The following DZIP3 variants were observed in gnomAD, a reference collection of about 807,000 sequenced individuals.
DZIP3 encodes E3 ubiquitin-protein ligase DZIP3.
DZIP3 carries 118 observed loss-of-function variants against 162.0 expected under a neutral mutation model. The ratio of observed to expected loss-of-function variants is 0.73; its 90% CI spans 0.63 to 0.85. DZIP3 has a LOEUF of 0.85. DZIP3 is among the 40% of genes least tolerant of loss of function. DZIP3 has a pLI of 0.00. For synonymous variants in DZIP3, 438 were observed against 458.6 expected (o/e 0.96, Z 0.57); for missense variants, 1,331 against 1,407.0 (o/e 0.95, Z 0.86).
chr3:108,622,195 A>T (rs1177047232), intron 5 of DZIP3, among the ~76,000 whole-genome samples: 1 of 152,194 alleles, frequency 6.6e-6, no homozygotes, highest in Non-Finnish European at 1.5e-5. Context: ...GAACTCAAAA[A>T]AATAGCTAGT....
chr3:108,669,448 T>G (rs1406146136), intron 21 of DZIP3, among the ~76,000 whole-genome samples: 1 of 151,916 alleles, frequency 6.6e-6, no homozygotes, highest in Non-Finnish European at 1.5e-5. Context: ...GCTTTCTAAT[T>G]TACTGAATTA....
chr3:108,689,147 A>G (rs1378180053), intron 31 of DZIP3, among the ~76,000 whole-genome samples: 1 of 152,182 alleles, frequency 6.6e-6, no homozygotes, highest in Non-Finnish European at 1.5e-5. Flanking sequence ...GAAGGGGACA[A>G]TGTTGAGAGT....
At chr3:108,678,094 G>C (rs1276071499) in intron 26 of DZIP3, among the ~76,000 whole-genome samples, 3 of 151,996 alleles carry the variant, frequency 2.0e-5, no homozygotes, top group East Asian at 3.9e-4. Flanking sequence ...TCTCACAGGA[G>C]TGTGAACCAT....
intron 3 of DZIP3, among the ~76,000 whole-genome samples, chr3:108,610,388 A>G (rs1940636365): frequency 6.6e-6 from 1 of 152,200 alleles, no homozygotes; most frequent in African/African-American, 2.4e-5. Context: ...GCAAAACACC[A>G]TAGTTGAGAT....
intron 5 of DZIP3, among the ~76,000 whole-genome samples, chr3:108,619,020 C>T (rs1941177276): frequency 1.5e-5 from 2 of 131,372 alleles, no homozygotes; most frequent in Admixed American, 8.9e-5. Context: ...AAGATTATGC[C>T]ACTGCACTCC....
chr3:108,616,557 ACAGC>A lies in DZIP3; in HGVS notation c.279_282del (p.Ser93ArgfsTer10). ...TTTCCACAGAGAGAAGTTGCAGCTA[ACAGC>A]CAGAATGGTGAGGAAATTGTTCCTG... On this transcript the variant is annotated frameshift_variant, in exon 5 of 33. Transcript: ENST00000361582. LOFTEE classifies it high-confidence loss of function. 1 of 1,608,840 alleles carries A rather than the reference ACAGC, an allele frequency of 6.2e-7. No homozygotes were observed. Among genetic ancestry groups the A allele is most frequent in the Admixed American group, 1.7e-5 (1 of 59,030 alleles).
chr3:108,676,393 G>C (rs1456459518), intron 25 of DZIP3, among the ~76,000 whole-genome samples: 1 of 152,020 alleles, frequency 6.6e-6, no homozygotes, highest in East Asian at 1.9e-4. Context: ...AGAAAATCAA[G>C]TAGGCCTGTA....
chr3:108,614,412 A>T (rs776293519), intron 4 of DZIP3, among the ~76,000 whole-genome samples: 3 of 152,136 alleles, frequency 2.0e-5, no homozygotes, highest in Non-Finnish European at 4.4e-5. Flanking sequence ...TTTTCTAGTA[A>T]TTCTTATTTT....
At chr3:108,615,102 G>C (rs575861855) in intron 4 of DZIP3, among the ~76,000 whole-genome samples, 1 of 152,304 alleles carries the variant, frequency 6.6e-6, no homozygotes, top group Admixed American at 6.5e-5. Flanking sequence ...TGAAGGCTGT[G>C]CCACAACTGA....
In DZIP3 at chr3:108,648,998, G is replaced by T. The variant is rs1942751456; in HGVS notation, c.2007+36G>T. On this transcript the variant is annotated intron_variant, in intron 17 of 32. Transcript: ENST00000361582. ...ATAATAGCATTATAATACTGATTAT[G>T]AACACTTGAGTTAAATACATGAATT... The T allele has an allele frequency of 3.8e-6, 4 of 1,061,812 alleles. No homozygotes were observed. The South Asian group carries it at 6.4e-5, about 17-fold the overall frequency. 65.8% of individuals were successfully genotyped at this position (1,061,812 alleles called of 1,614,324 possible).
chr3:108,629,190 T>G lies in DZIP3; in HGVS notation c.696+14T>G, dbSNP rs1559739816. 6.8e-7 allele frequency: 1 copy of G among 1,478,192 alleles called. No individual in the cohort carries two copies. The highest frequency in any genetic ancestry group is 9.2e-7 in the Non-Finnish European group (1 of 1,083,860). The allele number at this position is 1,478,192 out of a possible 1,614,324, so 91.6% of individuals were successfully genotyped here. On this transcript the variant is annotated intron_variant, in intron 8 of 32. Coordinates refer to ENST00000361582, the MANE Select transcript of DZIP3 (RefSeq NM_014648.4). Reference sequence around the variant, plus strand: ...ACAACTTTTAAAGTAAGAAATTATTTAAGAGTAACATTTTATTTGTAACTA... The same window carrying G: ...ACAACTTTTAAAGTAAGAAATTATTGAAGAGTAACATTTTATTTGTAACTA...
intron 5 of DZIP3, among the ~76,000 whole-genome samples, chr3:108,618,120 T>C (rs934099677): frequency 3.3e-5 from 5 of 152,188 alleles, no homozygotes; most frequent in African/African-American, 1.2e-4. Flanking sequence ...AGCATCTCTA[T>C]ATTAATTTTA....
At chr3:108,646,471 T>C in intron 14 of DZIP3, 146 bp from the exon 15 acceptor site, 1 of 654,846 alleles carries the variant, frequency 1.5e-6, no homozygotes, top group Non-Finnish European at 2.7e-6. Flanking sequence ...TTGTCTAAAC[T>C]GGATTGATGA....
At chr3:108,686,711 TTGAC>T in intron 28 of DZIP3, 127 bp downstream of exon 28, 2 of 1,139,310 alleles carry the variant, frequency 1.8e-6, no homozygotes, top group Non-Finnish European at 2.3e-6. Flanking sequence ...TTTCCTTACC[TTGAC>T]CTTGGTAAGG....
intron 26 of DZIP3, among the ~76,000 whole-genome samples, chr3:108,680,547 A>C (rs942477158): frequency 1.3e-5 from 2 of 152,154 alleles, no homozygotes; most frequent in African/African-American, 4.8e-5. Flanking sequence ...ATAGCTACAA[A>C]AAACAAAGAT....
intron 3 of DZIP3, 75 bp downstream of exon 3, chr3:108,608,233 C>A (rs1940493057): frequency 8.3e-7 from 1 of 1,210,076 alleles, no homozygotes; most frequent in Non-Finnish European, 1.2e-6. Flanking sequence ...AGTAATACAT[C>A]TAGTCAGTTT....
At chr3:108,666,237 T>TA (rs796366447) in intron 21 of DZIP3, among the ~76,000 whole-genome samples, 5 of 151,796 alleles carry the variant, frequency 3.3e-5, no homozygotes, top group East Asian at 3.9e-4. Context: ...AGATGTTTAT[T>TA]AAAAAAAAGT....
intron 19 of DZIP3, among the ~76,000 whole-genome samples, chr3:108,659,095 C>T (rs1270399144): frequency 6.6e-6 from 1 of 152,164 alleles, no homozygotes; most frequent in Non-Finnish European, 1.5e-5. Flanking sequence ...CCTTCCGAAA[C>T]TATTCCAATC....
intron 4 of DZIP3, among the ~76,000 whole-genome samples, chr3:108,611,578 C>T (rs1430100806): frequency 6.6e-6 from 1 of 152,110 alleles, no homozygotes; most frequent in Non-Finnish European, 1.5e-5. Context: ...AAGCTGTTGA[C>T]TACAAGGTCT....
Sources: gnomAD v4.1 joint callset for allele counts (sites outside exome capture counted in the v4.1 genomes callset) on GRCh38, gnomAD v4.1.1 for gene constraint, MANE v1.5 for transcripts, NCBI Gene and HGNC (gene_info 2026-07-23, HGNC 2026-07-21) for gene names.